CFH: variants seen among roughly 807,000 people sequenced by gnomAD.
CFH encodes the protein complement factor H, also known as H factor 1 (complement).
A neutral mutation model predicts 147.3 loss-of-function variants in CFH; 53 were observed. The ratio of observed to expected loss-of-function variants is 0.36; its 90% CI spans 0.29 to 0.45. The LOEUF is 0.45. Ranked by LOEUF, CFH falls within the 20% of genes least tolerant of loss-of-function variation. CFH has a pLI of 1.00. For missense variants in CFH, 1,380 were observed against 1,498.0 expected (o/e 0.92, Z 1.30); for synonymous variants, 536 against 489.4 (o/e 1.10, Z -1.26).
chr1:196,713,771 G>C lies in CFH; in HGVS notation c.1373G>C (p.Gly458Ala). ...AAATCAAGTATAGATATTGAGAATG[G>C]GTTTATTTCTGAATCTCAGTATACA... is the stretch of plus-strand genomic sequence containing the variant. Reference protein sequence around the residue: ...CSKSSIDIENGFISESQYTYA... With the variant: ...CSKSSIDIENAFISESQYTYA... Residue 458 changes from glycine to alanine, a missense_variant, in exon 10 of 22, where the codon GGG becomes GCG. Physicochemically the swap from Gly to Ala is moderately conservative, Grantham distance 60. Around this residue, in one of 4 missense-constraint regions of CFH, gnomAD observed 830 missense variants for 821.4 expected, o/e 1.01. Coordinates refer to ENST00000367429, the MANE Select transcript of CFH (RefSeq NM_000186.4). The C allele has an allele frequency of 6.2e-7, 1 of 1,600,902 alleles. No individual in the cohort carries two copies. The highest frequency in any genetic ancestry group is 8.6e-7 in the Non-Finnish European group (1 of 1,169,002).
Position 196,726,456 on chromosome 1 carries a change from T to C in CFH, c.1874-14T>C, listed in dbSNP as rs767064480. 6.9e-6 allele frequency: 11 copies of C among 1,585,328 alleles called. No individual in the cohort carries two copies. In the East Asian group the frequency reaches 2.2e-4, roughly 32 times the overall value. Reference sequence around the variant, plus strand: ...GACAATTTAACCATTATTTACATAGTATTTCTACTATAGAGCAAGTACAAT... The same window carrying C: ...GACAATTTAACCATTATTTACATAGCATTTCTACTATAGAGCAAGTACAAT... On this transcript the variant is annotated splice_polypyrimidine_tract_variant and intron_variant, in intron 12 of 21. Coordinates refer to ENST00000367429, the MANE Select transcript of CFH (RefSeq NM_000186.4).
intron 20 of CFH, among the ~76,000 whole-genome samples, chr1:196,744,838 A>C (rs1435726565): frequency 6.6e-6 from 1 of 151,972 alleles, no homozygotes; most frequent in Non-Finnish European, 1.5e-5. Flanking sequence ...GTTTTATTTT[A>C]ATTTGAAGAA....
At position 196,717,788 on chromosome 1, in the gene CFH, G is replaced by A. The variant is rs6677604; in HGVS notation, c.1696+2019G>A. The stretch of plus-strand genomic sequence containing the variant: ...CATAGTTGCCCTGAGAAAATGCGAG[G>A]GGAAAGGACTCACAGCTACTGTGGA... On this transcript the variant is annotated intron_variant, in intron 11 of 21. Transcript: ENST00000367429. Among the ~76,000 whole-genome samples, 35,267 of 151,982 alleles carry A rather than the reference G, an allele frequency of 0.23. 4,775 individuals carry two copies. The highest frequency in any genetic ancestry group is 0.35 in the African/African-American group (14,534 of 41,428).
intron 1 of CFH, among the ~76,000 whole-genome samples, chr1:196,660,168 G>A (rs1303187482): frequency 2.6e-5 from 4 of 152,138 alleles, no homozygotes; most frequent in African/African-American, 7.2e-5. Context: ...ATGAGACAAA[G>A]CCAGTCATCA....
intron 15 of CFH, among the ~76,000 whole-genome samples, chr1:196,734,125 C>T (rs926588153): frequency 2.6e-5 from 4 of 152,140 alleles, no homozygotes; most frequent in Admixed American, 2.6e-4. Context: ...CAAGGAGAAA[C>T]TGGGTTTTTG....
At chr1:196,652,531 G>A (rs1248155287) in intron 1 of CFH, among the ~76,000 whole-genome samples, 1 of 151,718 alleles carries the variant, frequency 6.6e-6, no homozygotes, top group Non-Finnish European at 1.5e-5. Flanking sequence ...CATTAAGAAG[G>A]ATGTGAATAT....
chr1:196,671,886 T>G (rs1667294260), intron 1 of CFH, among the ~76,000 whole-genome samples: 1 of 149,758 alleles, frequency 6.7e-6, no homozygotes, highest in Non-Finnish European at 1.5e-5. Flanking sequence ...AACATATATA[T>G]AAGAGCTTTT....
Position 196,738,394 on chromosome 1 carries a change from A to G in CFH, c.2782+734A>G, listed in dbSNP as rs1573077550. ...TCATATCCAAAGTCTCATCTGAGAC[A>G]AGGCAAGTCCTCTCTGCTTATGAGC... On this transcript the variant is annotated intron_variant, in intron 17 of 21. Transcript: ENST00000367429. Among the ~76,000 whole-genome samples, 4 of 152,328 alleles carry G rather than the reference A, an allele frequency of 2.6e-5. No individual in the cohort carries two copies. In the South Asian group the frequency reaches 8.3e-4, roughly 32 times the overall value.
chr1:196,703,300 T>C (rs1668506302), intron 9 of CFH, among the ~76,000 whole-genome samples: 1 of 152,148 alleles, frequency 6.6e-6, no homozygotes, highest in Non-Finnish European at 1.5e-5. Context: ...ACCAGTGTGC[T>C]TACTGCAACA....
At chr1:196,653,040 T>C (rs1434820136) in intron 1 of CFH, among the ~76,000 whole-genome samples, 1 of 151,842 alleles carries the variant, frequency 6.6e-6, no homozygotes, top group Non-Finnish European at 1.5e-5. Flanking sequence ...TTCTAAAATC[T>C]TTTCACTTAG....
intron 10 of CFH, 78 bp from the exon 11 acceptor site, chr1:196,715,515 T>C (rs928561067): frequency 5.0e-6 from 6 of 1,193,366 alleles, no homozygotes; most frequent in African/African-American, 1.5e-5. Context: ...ATAAAGCTTT[T>C]TCTTCTTAGA....
intron 11 of CFH, among the ~76,000 whole-genome samples, chr1:196,721,153 T>C (rs895367794): frequency 1.8e-5 from 2 of 111,860 alleles, no homozygotes; most frequent in African/African-American, 5.2e-5. Flanking sequence ...GGGATTATTA[T>C]TTTTTTTTCT....
chr1:196,694,010 T>A (rs185775725), intron 9 of CFH, among the ~76,000 whole-genome samples: 10 of 150,926 alleles, frequency 6.6e-5, no homozygotes, highest in Admixed American at 6.6e-4. Flanking sequence ...TATTATACTT[T>A]AAGTTCTGGG....
intron 17 of CFH, among the ~76,000 whole-genome samples, chr1:196,738,488 C>G (rs1184532143): frequency 6.6e-6 from 1 of 152,170 alleles, no homozygotes; most frequent in African/African-American, 2.4e-5. Context: ...GTAAATGCTT[C>G]CATTCCAAAA....
intron 9 of CFH, chr1:196,701,294 C>T (rs1395450451): frequency 6.2e-7 from 1 of 1,613,648 alleles, no homozygotes; most frequent in Non-Finnish European, 8.5e-7. Context: ...TCAGGGTAAT[C>T]ATCTGCTCTT....
Position 196,732,044 on chromosome 1 carries a change from T to C in CFH, c.2413+3522T>C, listed in dbSNP as rs565220085. The stretch of plus-strand genomic sequence containing the variant: ...CTATTTCTTTCCCAGTTGTTGAAAG[T>C]TTTCTGTCATTATTTTTTTGAATAT... On this transcript the variant is annotated intron_variant, in intron 15 of 21. Transcript: ENST00000367429. 7.2e-5 allele frequency among the ~76,000 whole-genome samples: 11 copies of C among 152,174 alleles called. No individual in the cohort carries two copies. In the South Asian group the frequency reaches 2.3e-3, roughly 32 times the overall value.
At chr1:196,692,797 TC>T (rs879836078) in intron 9 of CFH, among the ~76,000 whole-genome samples, 3,807 of 101,448 alleles carry the variant, frequency 0.038, 297 homozygotes, top group Admixed American at 0.08. Context: ...TTTCTTTCTT[TC>T]TTTCTTTCTT....
chr1:196,688,048 T>G (rs1237707495), intron 7 of CFH, among the ~76,000 whole-genome samples: 1 of 151,836 alleles, frequency 6.6e-6, no homozygotes, highest in Non-Finnish European at 1.5e-5. Flanking sequence ...TTAAGAAAGA[T>G]GGAGATGTAA....
Position 196,652,193 on chromosome 1 carries a change from T to A in CFH, c.58+18T>A, listed in dbSNP as rs1368781735. On this transcript the variant is annotated intron_variant, in intron 1 of 21. Transcript: ENST00000367429. Reference sequence around the variant, plus strand: ...AGCAGAAGGTAAGATTAAAAGAGACTCTTTTCTGAAAACTGTATTATGAAA... The same window carrying A: ...AGCAGAAGGTAAGATTAAAAGAGACACTTTTCTGAAAACTGTATTATGAAA... 2 of 1,574,546 alleles carry A rather than the reference T, an allele frequency of 1.3e-6. No individual in the cohort carries two copies. Among genetic ancestry groups the A allele is most frequent in the African/African-American group, 1.3e-5 (1 of 74,246 alleles).
Sources: allele counts gnomAD v4.1 joint callset (sites outside exome capture counted in the v4.1 genomes callset), GRCh38; gene constraint gnomAD v4.1.1; regional missense constraint gnomAD v4.1.1; transcripts MANE v1.5; gene names NCBI Gene and HGNC (gene_info 2026-07-23, HGNC 2026-07-21).